The following RASGRP3 variants were observed in gnomAD, a reference collection of about 807,000 sequenced individuals.
RASGRP3 encodes ras guanyl-releasing protein 3.
A neutral mutation model predicts 82.7 loss-of-function variants in RASGRP3; 54 were observed. The ratio of observed to expected loss-of-function variants is 0.65; its 90% confidence interval spans 0.52 to 0.82. The LOEUF (loss-of-function observed/expected upper bound fraction) is 0.82, where lower values mean the gene tolerates loss of function less well. Ranked by LOEUF, RASGRP3 falls within the 40% of genes least tolerant of loss-of-function variation. RASGRP3 has a pLI of 0.00. For synonymous variants in RASGRP3, 309 were observed against 300.5 expected, an observed-to-expected ratio of 1.03 and a Z score of -0.29; for missense variants, 861 against 828.9, an observed-to-expected ratio of 1.04 and a Z score of -0.48.
At chr2:33,440,862 T>G (rs1001828884) in intron 1 of RASGRP3, among the ~76,000 whole-genome samples, 2 of 152,184 alleles carry the variant, frequency 1.3e-5, no homozygotes, top group Admixed American at 1.3e-4. Context: ...AATTTCATCT[T>G]GAGGTTGGAC....
At chr2:33,505,633 G>A (rs13009528) in intron 1 of RASGRP3, among the ~76,000 whole-genome samples, 13,888 of 152,200 alleles carry the variant, frequency 0.091, 706 homozygotes, top group African/African-American at 0.12. Context: ...ATTTTTGAGA[G>A]AAGAAAATAT....
At chr2:33,442,021 TTTACA>T (rs1665250586) in intron 1 of RASGRP3, among the ~76,000 whole-genome samples, 2 of 152,190 alleles carry the variant, frequency 1.3e-5, no homozygotes, top group Admixed American at 6.5e-5. Flanking sequence ...TAAGTGAACA[TTTACA>T]CTTACATTCA....
chr2:33,508,512 C>A lies in RASGRP3; in HGVS notation c.-260-3198C>A, dbSNP rs181500968. 4.4e-3 allele frequency among the ~76,000 whole-genome samples: 662 copies of A among 152,074 alleles called. 3 individuals carry two copies. Among genetic ancestry groups the A allele is most frequent in the Middle Eastern group, 0.014 (4 of 292 alleles). On this transcript the variant is annotated intron_variant, in intron 1 of 17. Transcript: ENST00000403687. ...TCTTTCAATGCAATAGCAGGAGAGA[C>A]CCCCCAAAAAGGGCATCCATGTGGG...
chr2:33,478,814 T>C (rs949252887), intron 1 of RASGRP3, among the ~76,000 whole-genome samples: 9 of 152,342 alleles, frequency 5.9e-5, no homozygotes, highest in Admixed American at 2.0e-4. Context: ...ATTTCAACGC[T>C]AATAACAATC....
At chr2:33,489,409 A>C (rs1161059602) in intron 1 of RASGRP3, among the ~76,000 whole-genome samples, 1 of 152,188 alleles carries the variant, frequency 6.6e-6, no homozygotes, top group Non-Finnish European at 1.5e-5. Flanking sequence ...CCAGTCCTTC[A>C]GAATGAAAAG....
intron 2 of RASGRP3, chr2:33,458,122 T>C (rs923223969): frequency 5.3e-5 from 8 of 152,186 alleles, no homozygotes; most frequent in African/African-American, 1.9e-4. Flanking sequence ...ATACAGACCA[T>C]CTGGGCCAGT....
intron 1 of RASGRP3, among the ~76,000 whole-genome samples, chr2:33,484,262 C>T (rs2150945242): frequency 6.6e-6 from 1 of 152,324 alleles, no homozygotes; most frequent in South Asian, 2.1e-4. Flanking sequence ...TAACAACTTG[C>T]TTGTGACTAT....
At chr2:33,479,603 G>C (rs943703712) in intron 1 of RASGRP3, among the ~76,000 whole-genome samples, 1 of 152,146 alleles carries the variant, frequency 6.6e-6, no homozygotes, top group Non-Finnish European at 1.5e-5. Context: ...CAGGGGACTA[G>C]CTGGCAGTGG....
At chr2:33,527,627 G>A (rs375076442) in intron 10 of RASGRP3, among the ~76,000 whole-genome samples, 15 of 152,130 alleles carry the variant, frequency 9.9e-5, no homozygotes, top group Admixed American at 5.9e-4. Context: ...ACCTTTGTTC[G>A]GAGGGGCCCA....
At chr2:33,439,893 G>C (rs1321847710) in intron 1 of RASGRP3, among the ~76,000 whole-genome samples, 1 of 152,186 alleles carries the variant, frequency 6.6e-6, no homozygotes, top group East Asian at 1.9e-4. Context: ...GAACTTGCTG[G>C]GGGAGAGATC....
chr2:33,513,644 C>T (rs1036060743), intron 2 of RASGRP3, among the ~76,000 whole-genome samples: 6 of 152,224 alleles, frequency 3.9e-5, no homozygotes, highest in Non-Finnish European at 7.3e-5. Flanking sequence ...CTCCCTCCTG[C>T]TCCAAGTCCT....
At chr2:33,545,714 A>T (rs1674666563) in intron 13 of RASGRP3, among the ~76,000 whole-genome samples, 1 of 152,240 alleles carries the variant, frequency 6.6e-6, no homozygotes, top group South Asian at 2.1e-4. Context: ...GCATATGAAA[A>T]AAAGCTCAAT....
chr2:33,468,817 C>T (rs79788297), intron 2 of RASGRP3, among the ~76,000 whole-genome samples: 2,844 of 152,200 alleles, frequency 0.019, 106 homozygotes, highest in African/African-American at 0.065. Context: ...AGTAATGCTG[C>T]GTGAAATATC....
intron 1 of RASGRP3, among the ~76,000 whole-genome samples, chr2:33,486,975 T>C (rs1020726367): frequency 9.2e-5 from 14 of 152,176 alleles, no homozygotes; most frequent in African/African-American, 3.1e-4. Context: ...TATATAAAAA[T>C]AGACAAAATA....
chr2:33,463,359 A>C (rs1666487092), intron 2 of RASGRP3, among the ~76,000 whole-genome samples: 1 of 152,206 alleles, frequency 6.6e-6, no homozygotes, highest in South Asian at 2.1e-4. Context: ...ATTTATGCTA[A>C]AGCTAGTATG....
Position 33,515,211 on chromosome 2 carries a change from G to A in RASGRP3, c.70+5G>A, listed in dbSNP as rs201561963. The A allele has an allele frequency of 3.0e-5, 49 of 1,613,728 alleles. No individual in the cohort carries two copies. In the East Asian group the frequency reaches 1.0e-3, roughly 34 times the overall value. On this transcript the variant is annotated splice_donor_5th_base_variant and intron_variant, in intron 3 of 17. Coordinates refer to ENST00000403687, the MANE Select transcript of RASGRP3 (RefSeq NM_001139488.2). Reference sequence around the variant, plus strand: ...GCACTTGCATTGAGATGTTTGGTACGAGCCTTTTCTCCTTTCATCTCTTTT... The same window carrying A: ...GCACTTGCATTGAGATGTTTGGTACAAGCCTTTTCTCCTTTCATCTCTTTT...
chr2:33,437,783 G>C (rs1201569474), intron 1 of RASGRP3, among the ~76,000 whole-genome samples: 1 of 151,760 alleles, frequency 6.6e-6, no homozygotes, highest in Non-Finnish European at 1.5e-5. Context: ...AGTATAATAT[G>C]TTTGAATAGA....
chr2:33,484,973 TGG>T (rs1668247868), intron 1 of RASGRP3, among the ~76,000 whole-genome samples: 2 of 151,800 alleles, frequency 1.3e-5, no homozygotes, highest in African/African-American at 4.8e-5. Context: ...CTGAGGCAGG[TGG>T]ATCACCTGAG....
intron 2 of RASGRP3, among the ~76,000 whole-genome samples, chr2:33,459,540 G>A (rs895569923): frequency 6.6e-6 from 1 of 152,050 alleles, no homozygotes; most frequent in Non-Finnish European, 1.5e-5. Context: ...TAATTAAAGT[G>A]GTAAGGACAG....
Sources: allele counts gnomAD v4.1 joint callset (sites outside exome capture counted in the v4.1 genomes callset), GRCh38; gene constraint gnomAD v4.1.1; transcripts MANE v1.5; gene names NCBI Gene and HGNC (gene_info 2026-07-23, HGNC 2026-07-21).